Variants in FLRT1 observed in about 807,000 individuals in gnomAD.
FLRT1 encodes the protein fibronectin leucine rich transmembrane protein 1, also known as leucine-rich repeat transmembrane protein FLRT1.
FLRT1 carries 14 observed loss-of-function variants against 30.9 expected under a neutral mutation model. The observed-to-expected ratio is 0.45, with a 90% confidence interval of 0.30 to 0.71. The LOEUF (loss-of-function observed/expected upper bound fraction) is 0.71, where lower values mean the gene tolerates loss of function less well. Among genes scored for constraint, FLRT1 ranks in the 30% least tolerant of loss-of-function variants. The pLI, the probability that FLRT1 is intolerant of heterozygous loss-of-function variation, is 0.08. For synonymous variants in FLRT1, 368 were observed against 430.4 expected, an observed-to-expected ratio of 0.85 and a Z score of 1.80; for missense variants, 737 against 949.2, an observed-to-expected ratio of 0.78 and a Z score of 2.94.
intron 1 of FLRT1, among the ~76,000 whole-genome samples, chr11:64,099,721 T>C (rs566779103): frequency 2.8e-4 from 40 of 145,070 alleles, no homozygotes; most frequent in Admixed American, 7.5e-4. Context: ...GAGAGATAGA[T>C]GGAAGGATGG....
At chr11:64,081,399 C>T (rs980929582) in intron 1 of FLRT1, among the ~76,000 whole-genome samples, 10 of 152,174 alleles carry the variant, frequency 6.6e-5, no homozygotes, top group East Asian at 3.9e-4. Context: ...TGCTCAGGGA[C>T]GTTACAACAG....
chr11:64,081,203 G>T (rs1336219003), intron 1 of FLRT1, among the ~76,000 whole-genome samples: 1 of 152,164 alleles, frequency 6.6e-6, no homozygotes, highest in Non-Finnish European at 1.5e-5. Context: ...TGTAGTTTTA[G>T]TAGAGATGGG....
intron 1 of FLRT1, among the ~76,000 whole-genome samples, chr11:64,061,979 GC>G (rs1380146745): frequency 1.4e-3 from 66 of 46,426 alleles, no homozygotes; most frequent in Admixed American, 6.5e-3. Flanking sequence ...CCACCCCCCT[GC>G]CCCCTTCTAC....
At position 64,082,508 on chromosome 11, in the gene FLRT1, A is replaced by T. The variant is rs1421919207; in HGVS notation, c.-1037-20686A>T. ...CCAAGAGCTGGTCCCAGGGGGTGAA[A>T]CAAGGCTCGGTGCCTAACGGTGGTG... is the stretch of plus-strand genomic sequence containing the variant. On this transcript the variant is annotated intron_variant, in intron 1 of 2. Coordinates refer to ENST00000682287, the MANE Select transcript of FLRT1 (RefSeq NM_013280.5). The surrounding 1 kb of genome is among the most constrained non-coding windows in gnomAD (Gnocchi z 4.5). Among the ~76,000 whole-genome samples, 1 of 151,934 alleles carries T rather than the reference A, an allele frequency of 6.6e-6. No individual in the cohort carries two copies. Among genetic ancestry groups the T allele is most frequent in the African/African-American group, 2.4e-5 (1 of 41,352 alleles).
chr11:64,052,932 C>T (rs1943720562), intron 1 of FLRT1, among the ~76,000 whole-genome samples: 1 of 152,210 alleles, frequency 6.6e-6, no homozygotes, highest in South Asian at 2.1e-4. Flanking sequence ...CCAGGCTTGG[C>T]CTCACGGTCA....
At chr11:64,047,285 C>T (rs756807521) in intron 1 of FLRT1, among the ~76,000 whole-genome samples, 1 of 152,140 alleles carries the variant, frequency 6.6e-6, no homozygotes. Context: ...AGATAAATGG[C>T]TTTCTTTGTA....
intron 1 of FLRT1, among the ~76,000 whole-genome samples, chr11:64,102,365 C>T (rs1053074233): frequency 9.7e-6 from 1 of 103,304 alleles, no homozygotes; most frequent in African/African-American, 3.2e-5. Flanking sequence ...TGAGGACTGA[C>T]CCCCCACCTA....
intron 2 of FLRT1, among the ~76,000 whole-genome samples, chr11:64,111,637 T>C (rs1188526249): frequency 2.6e-5 from 4 of 152,164 alleles, no homozygotes; most frequent in African/African-American, 9.7e-5. Context: ...CGGCAACCTC[T>C]GCACCCTTGC....
Position 64,118,305 on chromosome 11 carries a change from C to A in FLRT1, c.*13C>A. The A allele has an allele frequency of 6.5e-7, 1 of 1,537,358 alleles. No homozygotes were observed. On this transcript the variant is annotated 3_prime_UTR_variant, in exon 3 of 3. Transcript: ENST00000682287. ...CTCCTACACATGATGCCCGCCCACC[C>A]GGGCTGCCCCGCCTCAGCCCCAGCT...
At chr11:64,102,343 G>A (rs531974554) in intron 1 of FLRT1, among the ~76,000 whole-genome samples, 5 of 150,982 alleles carry the variant, frequency 3.3e-5, no homozygotes, top group East Asian at 2.0e-4. Flanking sequence ...AGAGGAGGGC[G>A]GCTGCGGGTG....
At chr11:64,100,571 C>A (rs577685206) in intron 1 of FLRT1, among the ~76,000 whole-genome samples, 4 of 152,146 alleles carry the variant, frequency 2.6e-5, no homozygotes, top group Non-Finnish European at 5.9e-5. Flanking sequence ...GTGGCTCTGG[C>A]GGGAGGTGTC....
At position 64,067,270 on chromosome 11, in the gene FLRT1, G is replaced by C. The variant is rs12798428; in HGVS notation, c.-1038+31111G>C. ...TCCCACCTGTGCGGCACGAGAGGGAGGGAAGGAGCATCATTAACACGACAT... is the reference window on the plus strand; with the variant it reads ...TCCCACCTGTGCGGCACGAGAGGGACGGAAGGAGCATCATTAACACGACAT... On this transcript the variant is annotated intron_variant, in intron 1 of 2. Coordinates refer to ENST00000682287, the MANE Select transcript of FLRT1 (RefSeq NM_013280.5). This position sits in a 1 kb window ranked among gnomAD's most constrained non-coding sequence, Gnocchi z 4.6. Among the ~76,000 whole-genome samples the C allele has an allele frequency of 0.021, 3,155 of 152,248 alleles. 65 individuals are homozygous for C. The highest frequency in any genetic ancestry group is 0.027 in the Non-Finnish European group (1,861 of 68,018).
intron 1 of FLRT1, among the ~76,000 whole-genome samples, chr11:64,041,198 G>GGAAAAA (rs1943477686): frequency 5.3e-5 from 1 of 18,958 alleles, no homozygotes; most frequent in East Asian, 9.2e-4. Flanking sequence ...TTAGCAAACT[G>GGAAAAA]TAAAAAAAAA....
chr11:64,085,558 C>G (rs989231811), intron 1 of FLRT1, among the ~76,000 whole-genome samples: 1 of 152,198 alleles, frequency 6.6e-6, no homozygotes, highest in African/African-American at 2.4e-5. Context: ...CTAAGTACGT[C>G]CCCTGCCGCC....
At chr11:64,041,676 A>C (rs762582343) in intron 1 of FLRT1, among the ~76,000 whole-genome samples, 13 of 152,130 alleles carry the variant, frequency 8.5e-5, no homozygotes, top group Admixed American at 2.6e-4. Context: ...CCTGCCCATC[A>C]GGATTCCTAG....
chr11:64,092,606 T>C (rs1397249571), intron 1 of FLRT1, among the ~76,000 whole-genome samples: 4 of 152,206 alleles, frequency 2.6e-5, no homozygotes, highest in Admixed American at 2.6e-4. Context: ...ACTCCCACTC[T>C]CATTCAGCCC....
chr11:64,102,595 A>G (rs986062448), intron 1 of FLRT1, among the ~76,000 whole-genome samples: 5 of 152,212 alleles, frequency 3.3e-5, no homozygotes, highest in South Asian at 2.1e-4. Context: ...CTGCACGGCC[A>G]GGAGCTCGAA....
At chr11:64,046,804 C>T (rs573192770) in intron 1 of FLRT1, among the ~76,000 whole-genome samples, 151 of 152,228 alleles carry the variant, frequency 9.9e-4, no homozygotes, top group African/African-American at 3.2e-3. Context: ...TGGCCTGGCC[C>T]GTTCTTTAAG....
chr11:64,039,752 G>T (rs865825020), intron 1 of FLRT1, among the ~76,000 whole-genome samples: 18 of 152,322 alleles, frequency 1.2e-4, no homozygotes, highest in Middle Eastern at 6.8e-3. Flanking sequence ...CGCTCCCCGG[G>T]GCCAGCGGCT....
Sources: gnomAD v4.1 joint callset for allele counts (sites outside exome capture counted in the v4.1 genomes callset) on GRCh38, gnomAD v4.1.1 for gene constraint, Gnocchi (gnomAD v3.1) non-coding constraint, MANE v1.5 for transcripts, NCBI Gene and HGNC (gene_info 2026-07-23, HGNC 2026-07-21) for gene names.